Variants in MAML3 observed in about 807,000 individuals in gnomAD.
MAML3 encodes mastermind like transcriptional coactivator 3.
A neutral mutation model predicts 101.9 loss-of-function variants in MAML3; 27 were observed. The ratio of observed to expected loss-of-function variants is 0.27; its 90% confidence interval spans 0.20 to 0.37. The LOEUF (loss-of-function observed/expected upper bound fraction) is 0.37. Among genes scored for constraint, MAML3 ranks in the 10% least tolerant of loss-of-function variants. The pLI is 1.00. For missense variants in MAML3, 1,316 were observed against 1,444.9 expected (o/e 0.91, Z 1.45); for synonymous variants, 501 against 555.9 (o/e 0.90, Z 1.39).
intron 1 of MAML3, among the ~76,000 whole-genome samples, chr4:140,090,631 TCTAA>T (rs1400781190): frequency 6.6e-6 from 1 of 152,222 alleles, no homozygotes; most frequent in Admixed American, 6.5e-5. Flanking sequence ...ACCTAGACAG[TCTAA>T]CTCTTACCAC....
rs529531783 is a variant in MAML3 at position 140,127,224 on chromosome 4, C to T, written c.468+25636G>A. On this transcript the variant is annotated intron_variant, in intron 1 of 4. Transcript: ENST00000509479. ...TCTGTTTCAACAGCACCAAAACACT[C>T]ATGATTCCCTGCTCATGCCCTGTGT... Among the ~76,000 whole-genome samples, 3 of 152,330 alleles carry T rather than the reference C, an allele frequency of 2.0e-5. No individual in the cohort carries two copies. The South Asian group carries it at 6.2e-4, about 32-fold the overall frequency.
At chr4:139,917,458 C>G (rs1244597084) in intron 1 of MAML3, among the ~76,000 whole-genome samples, 1 of 151,976 alleles carries the variant, frequency 6.6e-6, no homozygotes, top group African/African-American at 2.4e-5. Context: ...GAAACCATGT[C>G]AAGTGAAAAG....
intron 2 of MAML3, chr4:139,731,466 A>AAAAAAAAT (rs1728716480): frequency 6.1e-6 from 1 of 164,734 alleles, no homozygotes; most frequent in Non-Finnish European, 1.2e-5. Flanking sequence ...AAAAAAAAAA[A>AAAAAAAAT]AATTAGCCAG....
At chr4:140,147,641 A>G (rs890573110) in intron 1 of MAML3, among the ~76,000 whole-genome samples, 6 of 152,204 alleles carry the variant, frequency 3.9e-5, no homozygotes, top group Non-Finnish European at 7.3e-5. Context: ...GAAAATCTTG[A>G]CAGTGAGTTT....
At chr4:139,954,482 G>A (rs1560847758) in intron 1 of MAML3, among the ~76,000 whole-genome samples, 1 of 152,192 alleles carries the variant, frequency 6.6e-6, no homozygotes, top group Non-Finnish European at 1.5e-5. Flanking sequence ...GCATCAGTGG[G>A]TCTTCCACCC....
intron 1 of MAML3, among the ~76,000 whole-genome samples, chr4:140,057,761 C>CT (rs1318377817): frequency 6.6e-6 from 1 of 152,168 alleles, no homozygotes; most frequent in Non-Finnish European, 1.5e-5. Flanking sequence ...AATACCATGT[C>CT]TTCCAGGTCT....
chr4:140,042,023 C>T (rs1727093759), intron 1 of MAML3, among the ~76,000 whole-genome samples: 1 of 152,130 alleles, frequency 6.6e-6, no homozygotes, highest in African/African-American at 2.4e-5. Flanking sequence ...CTCATTTAAC[C>T]TTCACAAACC....
rs747636624 is a variant in MAML3, at chr4:140,152,853, C to T, written c.468+7G>A. 24 of 1,608,386 alleles carry T rather than the reference C, an allele frequency of 1.5e-5. No individual in the cohort carries two copies. Among genetic ancestry groups the T allele is most frequent in the Non-Finnish European group, 2.5e-6 (3 of 1,177,568 alleles). ...GCGCCGCAAGCCCGCTGCCCGTGCG[C>T]CCTCACCATGATCAGCGTGTGGTTC... is the stretch of plus-strand genomic sequence containing the variant. On this transcript the variant is annotated splice_region_variant and intron_variant, in intron 1 of 4. Transcript: ENST00000509479.
intron 1 of MAML3, among the ~76,000 whole-genome samples, chr4:140,025,621 G>C (rs753970583): frequency 6.6e-5 from 10 of 152,140 alleles, no homozygotes; most frequent in Non-Finnish European, 1.2e-4. Context: ...AAAGGGAAGA[G>C]CATAGGGCAA....
chr4:139,855,909 G>A (rs1731652851), intron 2 of MAML3, among the ~76,000 whole-genome samples: 2 of 152,188 alleles, frequency 1.3e-5, no homozygotes, highest in South Asian at 4.1e-4. Context: ...TATTCCAAAT[G>A]TAGGCTCGGG....
intron 2 of MAML3, among the ~76,000 whole-genome samples, chr4:139,737,044 G>A (rs1296856814): frequency 6.6e-6 from 1 of 152,190 alleles, no homozygotes; most frequent in Non-Finnish European, 1.5e-5. Context: ...GACTACTCCA[G>A]TTGCAACTGT....
chr4:139,770,349 A>T (rs1729950067), intron 2 of MAML3, among the ~76,000 whole-genome samples: 1 of 152,244 alleles, frequency 6.6e-6, no homozygotes, highest in Non-Finnish European at 1.5e-5. Context: ...GCTTAAATGG[A>T]TGGAAGCTTT....
intron 2 of MAML3, among the ~76,000 whole-genome samples, chr4:139,885,998 GAACA>G (rs1374986434): frequency 7.3e-6 from 1 of 136,092 alleles, no homozygotes; most frequent in Non-Finnish European, 1.6e-5. Flanking sequence ...AATAATATAA[GAACA>G]AAGAAATAAT....
At chr4:139,833,276 G>T (rs1731201177) in intron 2 of MAML3, among the ~76,000 whole-genome samples, 1 of 152,198 alleles carries the variant, frequency 6.6e-6, no homozygotes, top group Non-Finnish European at 1.5e-5. Flanking sequence ...AGGGGGCCGC[G>T]TGGAAGCGCC....
intron 3 of MAML3, among the ~76,000 whole-genome samples, chr4:139,730,124 C>A (rs1418445377): frequency 6.6e-6 from 1 of 152,164 alleles, no homozygotes; most frequent in African/African-American, 2.4e-5. Context: ...GACCCCTGTA[C>A]CAGAAATCAG....
chr4:140,117,850 C>A (rs1049196733), intron 1 of MAML3, among the ~76,000 whole-genome samples: 1 of 151,914 alleles, frequency 6.6e-6, no homozygotes, highest in African/African-American at 2.4e-5. Flanking sequence ...TTTCTCTAAG[C>A]ACATCAGACA....
At chr4:140,047,087 G>A (rs1490994087) in intron 1 of MAML3, among the ~76,000 whole-genome samples, 1 of 152,158 alleles carries the variant, frequency 6.6e-6, no homozygotes, top group Non-Finnish European at 1.5e-5. Context: ...TGAAGAAACT[G>A]CATTTGAGAT....
intron 2 of MAML3, among the ~76,000 whole-genome samples, chr4:139,768,400 G>T (rs996450057): frequency 1.3e-5 from 2 of 152,154 alleles, no homozygotes; most frequent in East Asian, 1.9e-4. Flanking sequence ...TAAATATCAG[G>T]TTCTTGTAAA....
chr4:139,776,641 C>T (rs896819418), intron 2 of MAML3, among the ~76,000 whole-genome samples: 6 of 152,092 alleles, frequency 3.9e-5, no homozygotes, highest in African/African-American at 1.2e-4. Context: ...AAAGCAGATA[C>T]GCGCAAAATG....
Sources: gnomAD v4.1 joint callset for allele counts (sites outside exome capture counted in the v4.1 genomes callset) on GRCh38, gnomAD v4.1.1 for gene constraint, MANE v1.5 for transcripts, NCBI Gene and HGNC (gene_info 2026-07-23, HGNC 2026-07-21) for gene names.